Variants in ANKFN1 observed in about 807,000 individuals in gnomAD.
ANKFN1 encodes ankyrin repeat and fibronectin type-III domain-containing protein 1.
ANKFN1 carries 74 observed loss-of-function variants against 108.7 expected under a neutral mutation model. The observed-to-expected ratio is 0.68, with a 90% CI of 0.56 to 0.83. ANKFN1 has a LOEUF of 0.83. ANKFN1 is among the 40% of genes least tolerant of loss of function. The probability of loss-of-function intolerance (pLI) is 0.00; values close to 1 mark genes in which losing one functional copy is unlikely to be tolerated. For missense variants in ANKFN1, 1,505 were observed against 1,382.3 expected (o/e 1.09, Z -1.41); for synonymous variants, 547 against 516.2 (o/e 1.06, Z -0.81).
At chr17:56,429,605 G>T (rs772698521) in intron 8 of ANKFN1, among the ~76,000 whole-genome samples, 18 of 152,310 alleles carry the variant, frequency 1.2e-4, no homozygotes, top group Admixed American at 3.3e-4. Context: ...ATCTCAGTTT[G>T]CCAGGTCCTG....
chr17:56,371,279 A>G (rs529224630), intron 6 of ANKFN1, among the ~76,000 whole-genome samples: 40 of 152,334 alleles, frequency 2.6e-4, no homozygotes, highest in African/African-American at 8.7e-4. Context: ...AGAAAGAAAG[A>G]AAAAGAAAAA....
chr17:56,354,381 T>A (rs144482966), intron 6 of ANKFN1, among the ~76,000 whole-genome samples: 1 of 152,216 alleles, frequency 6.6e-6, no homozygotes, highest in Non-Finnish European at 1.5e-5. Flanking sequence ...TTTGCGTGTT[T>A]CTGTTTTGTA....
chr17:56,155,465 G>A (rs368562677), intron 1 of ANKFN1, among the ~76,000 whole-genome samples: 4 of 152,230 alleles, frequency 2.6e-5, no homozygotes, highest in Middle Eastern at 3.4e-3. Flanking sequence ...TCATTTATTC[G>A]ACAATCAACA....
At chr17:56,174,308 G>T in intron 1 of ANKFN1, 1 of 985,584 alleles carries the variant, frequency 1.0e-6, no homozygotes, top group Non-Finnish European at 1.2e-6. Flanking sequence ...CTAGCCAGGG[G>T]ACCCTGGAGC....
intron 11 of ANKFN1, among the ~76,000 whole-genome samples, chr17:56,451,597 T>A (rs777091529): frequency 1.3e-5 from 2 of 152,186 alleles, no homozygotes; most frequent in African/African-American, 4.8e-5. Flanking sequence ...AAGCTGTGTA[T>A]TATTGGGAAG....
chr17:56,443,008 C>T (rs2049162464), intron 10 of ANKFN1, 75 bp downstream of exon 10: 3 of 1,444,870 alleles, frequency 2.1e-6, no homozygotes, highest in South Asian at 2.4e-5. Flanking sequence ...GGTGCCATTG[C>T]CATTCCCTTC....
intron 3 of ANKFN1, among the ~76,000 whole-genome samples, chr17:56,303,909 G>T (rs1249933039): frequency 6.7e-6 from 1 of 148,896 alleles, no homozygotes; most frequent in East Asian, 2.0e-4. Flanking sequence ...TTTTGGCCAG[G>T]ATGGTCTCGA....
At chr17:56,137,193 A>T (rs944142994) in intron 4 of ANKFN1, among the ~76,000 whole-genome samples, 1 of 152,208 alleles carries the variant, frequency 6.6e-6, no homozygotes, top group African/African-American at 2.4e-5. Flanking sequence ...AGTGAAAATC[A>T]TAGGGGATTG....
At chr17:56,473,778 T>C (rs749489965) in intron 15 of ANKFN1, 2 of 150,584 alleles carry the variant, frequency 1.3e-5, no homozygotes, top group African/African-American at 2.4e-5. Flanking sequence ...AATGACTACA[T>C]AAAGGCAAGA....
rs371472493 is a variant in ANKFN1, at chr17:56,227,920, C to T, written c.16C>T (p.Leu6=). The change falls in exon 3 of 21, where the codon CTA becomes TTA. Residue 6 remains leucine (L), a synonymous_variant. Transcript: ENST00000682825. ...TTTTTTTCTTTCTTTGTTTCAGAGGCTACTCTTTAAAGACAGGCATTTTAC... is the reference window on the plus strand; with the variant it reads ...TTTTTTTCTTTCTTTGTTTCAGAGGTTACTCTTTAAAGACAGGCATTTTAC... MNEKR[L]LFKDRHFTCS... is the part of the protein sequence containing the mutation. The T allele has an allele frequency of 3.1e-6, 5 of 1,604,064 alleles. No homozygotes were observed. The African/African-American group carries it at 6.7e-5, about 22-fold the overall frequency.
At chr17:56,457,006 T>C in intron 12 of ANKFN1, 46 bp downstream of exon 12, 2 of 1,550,914 alleles carry the variant, frequency 1.3e-6, no homozygotes. Flanking sequence ...TTTTCAAGAA[T>C]GCACTGGTTT....
intron 4 of ANKFN1, among the ~76,000 whole-genome samples, chr17:56,345,608 C>A (rs2144642932): frequency 6.6e-6 from 1 of 152,264 alleles, no homozygotes; most frequent in East Asian, 1.9e-4. Context: ...GATGGTATGT[C>A]ATTGTGGTTT....
At chr17:56,275,315 CTTT>C (rs879530969) in intron 3 of ANKFN1, among the ~76,000 whole-genome samples, 1 of 142,610 alleles carries the variant, frequency 7.0e-6, no homozygotes. Flanking sequence ...GGAGTTTATT[CTTT>C]TTTTTTTTTT....
intron 3 of ANKFN1, among the ~76,000 whole-genome samples, chr17:56,293,714 T>C (rs1023684769): frequency 6.6e-6 from 1 of 152,234 alleles, no homozygotes; most frequent in Non-Finnish European, 1.5e-5. Context: ...GACTTTCTAC[T>C]CTGAGATTTG....
At chr17:56,202,084 A>G (rs1914112553) in intron 1 of ANKFN1, among the ~76,000 whole-genome samples, 1 of 152,158 alleles carries the variant, frequency 6.6e-6, no homozygotes, top group African/African-American at 2.4e-5. Context: ...ATCTTTTCCA[A>G]CCCTTTTCCA....
At chr17:56,380,739 G>A (rs11650408) in intron 8 of ANKFN1, among the ~76,000 whole-genome samples, 2,617 of 152,220 alleles carry the variant, frequency 0.017, 28 homozygotes, top group Non-Finnish European at 0.028. Context: ...GGGGAGGGGC[G>A]CCCGCCATTG....
intron 3 of ANKFN1, among the ~76,000 whole-genome samples, chr17:56,253,563 C>A (rs2043285136): frequency 1.3e-5 from 2 of 152,128 alleles, no homozygotes; most frequent in South Asian, 2.1e-4. Context: ...TATGGTGAAA[C>A]CCCATCTCTA....
chr17:56,370,767 G>A (rs2046788597), intron 6 of ANKFN1, among the ~76,000 whole-genome samples: 1 of 152,144 alleles, frequency 6.6e-6, no homozygotes, highest in Non-Finnish European at 1.5e-5. Context: ...TCCCAGCAAG[G>A]CTATAATGAG....
chr17:56,187,320 C>T (rs1383298910), intron 1 of ANKFN1, among the ~76,000 whole-genome samples: 1 of 152,116 alleles, frequency 6.6e-6, no homozygotes, highest in East Asian at 1.9e-4. Context: ...ATGGAGCCAA[C>T]AGACACATGA....
Sources: allele counts gnomAD v4.1 joint callset (sites outside exome capture counted in the v4.1 genomes callset), GRCh38; gene constraint gnomAD v4.1.1; transcripts MANE v1.5; gene names NCBI Gene and HGNC (gene_info 2026-07-23, HGNC 2026-07-21).